The following VRK2 variants were observed in gnomAD, a reference collection of about 807,000 sequenced individuals.
VRK2 encodes the protein VRK serine/threonine kinase 2, also known as serine/threonine-protein kinase VRK2.
A neutral mutation model predicts 57.6 loss-of-function variants in VRK2; 60 were observed. The observed-to-expected ratio is 1.04, with a 90% CI of 0.85 to 1.29. The LOEUF (loss-of-function observed/expected upper bound fraction) is 1.29, where lower values mean the gene tolerates loss of function less well. Among genes scored for constraint, VRK2 ranks in the 50% most tolerant of loss-of-function variants. VRK2 has a pLI of 0.00. For missense variants in VRK2, 705 were observed against 588.1 expected (o/e 1.20, Z -2.06); for synonymous variants, 231 against 199.2 (o/e 1.16, Z -1.35).
At chr2:57,955,822 A>ATTAT (rs1194746567) in intron 1 of VRK2, among the ~76,000 whole-genome samples, 1 of 152,168 alleles carries the variant, frequency 6.6e-6, no homozygotes, top group African/African-American at 2.4e-5. Context: ...CATTAGAAAT[A>ATTAT]TTACGATCAT....
At chr2:57,990,854 T>C (rs1340172444) in intron 1 of VRK2, among the ~76,000 whole-genome samples, 4 of 148,786 alleles carry the variant, frequency 2.7e-5, no homozygotes, top group Non-Finnish European at 6.0e-5. Context: ...CACACAGACA[T>C]ACACACACAC....
intron 1 of VRK2, among the ~76,000 whole-genome samples, chr2:57,937,335 T>G (rs932971869): frequency 1.3e-5 from 2 of 152,184 alleles, no homozygotes; most frequent in Non-Finnish European, 2.9e-5. Flanking sequence ...TTTTCAATAA[T>G]CCCACTTTTC....
intron 9 of VRK2, among the ~76,000 whole-genome samples, chr2:58,134,404 G>C (rs940574109): frequency 2.0e-5 from 3 of 151,790 alleles, no homozygotes; most frequent in African/African-American, 7.3e-5. Context: ...GAGGTCAGGA[G>C]ATCGAGACCA....
intron 1 of VRK2, among the ~76,000 whole-genome samples, chr2:57,941,150 C>G (rs2103956052): frequency 6.6e-6 from 1 of 152,312 alleles, no homozygotes; most frequent in Middle Eastern, 3.4e-3. Context: ...TGAAATGCCA[C>G]AAAGCTGTGG....
At position 58,089,720 on chromosome 2, in the gene VRK2, C is replaced by T. The variant is rs772179855; in HGVS notation, c.540C>T (p.Asp180=). The stretch of plus-strand genomic sequence containing the variant: ...TACTTTTGGGTTACAAAAATCCAGA[C>T]CAGGTAAATACATACTTTTGCTTTT... ...ANLLLGYKNP[D]QVYLADYGLS... is the part of the protein sequence containing the mutation. The change falls in exon 7 of 13, where the codon GAC becomes GAT. Residue 180 remains aspartate (D), a synonymous_variant. Transcript: ENST00000340157. 6.3e-6 allele frequency: 10 copies of T among 1,599,964 alleles called. No individual in the cohort carries two copies. The highest frequency in any genetic ancestry group is 3.4e-5 in the Admixed American group (2 of 58,440).
At chr2:58,139,393 A>ATTACAATCACTATAATTAT (rs1316074525) in intron 10 of VRK2, among the ~76,000 whole-genome samples, 1 of 152,118 alleles carries the variant, frequency 6.6e-6, no homozygotes, top group East Asian at 1.9e-4. Flanking sequence ...TTATTACAAT[A>ATTACAATCACTATAATTAT]TACTTCCTCT....
intron 1 of VRK2, among the ~76,000 whole-genome samples, chr2:58,008,676 A>G (rs1309086043): frequency 6.6e-6 from 1 of 152,156 alleles, no homozygotes; most frequent in Non-Finnish European, 1.5e-5. Context: ...ATAAAAGCAG[A>G]TAATAAAATA....
At chr2:58,093,241 C>G (rs375890913) in intron 7 of VRK2, among the ~76,000 whole-genome samples, 1 of 152,084 alleles carries the variant, frequency 6.6e-6, no homozygotes, top group Non-Finnish European at 1.5e-5. Context: ...ATCGCCACAC[C>G]GACTTCCACA....
intron 1 of VRK2, among the ~76,000 whole-genome samples, chr2:57,979,194 C>A (rs949220937): frequency 6.6e-6 from 1 of 150,944 alleles, no homozygotes; most frequent in African/African-American, 2.5e-5. Flanking sequence ...AATGGGATTG[C>A]TGGGTCAAAT....
intron 5 of VRK2, among the ~76,000 whole-genome samples, chr2:58,087,988 A>C (rs979803190): frequency 5.3e-5 from 8 of 152,188 alleles, no homozygotes; most frequent in African/African-American, 1.9e-4. Flanking sequence ...TCTGTCTCAA[A>C]AAAAAAATCA....
intron 1 of VRK2, among the ~76,000 whole-genome samples, chr2:57,974,078 A>C (rs903082913): frequency 6.6e-6 from 1 of 151,854 alleles, no homozygotes; most frequent in Admixed American, 6.6e-5. Context: ...AAGTTAGCTT[A>C]GTGTTTGTTG....
chr2:58,133,507 G>A (rs1679517302), intron 9 of VRK2, among the ~76,000 whole-genome samples: 1 of 152,118 alleles, frequency 6.6e-6, no homozygotes, highest in Non-Finnish European at 1.5e-5. Flanking sequence ...TTCCCCATAA[G>A]GGTGTGATTG....
chr2:58,138,408 C>T (rs139660567), intron 10 of VRK2, among the ~76,000 whole-genome samples: 2,670 of 152,172 alleles, frequency 0.018, 38 homozygotes, highest in Non-Finnish European at 0.026. Context: ...AAACAGGTTG[C>T]ATAATTGCTA....
At chr2:58,030,637 G>A (rs1487172054) in intron 2 of VRK2, among the ~76,000 whole-genome samples, 1 of 151,920 alleles carries the variant, frequency 6.6e-6, no homozygotes, top group Non-Finnish European at 1.5e-5. Context: ...TCACTGGATT[G>A]GTCAAAACTT....
In VRK2 at chr2:58,084,953, A is replaced by C; in HGVS notation, c.256+3A>C. 1 of 1,576,196 alleles carries C rather than the reference A, an allele frequency of 6.3e-7. No homozygotes were observed. The highest frequency in any genetic ancestry group is 8.6e-7 in the Non-Finnish European group (1 of 1,162,248). Reference sequence around the variant, plus strand: ...GAGAGTTGCAAAAAAAGACTGTAGTAAGTAAAATTAGCAAAGCAAGCTACT... The same window carrying C: ...GAGAGTTGCAAAAAAAGACTGTAGTCAGTAAAATTAGCAAAGCAAGCTACT... On this transcript the variant is annotated splice_donor_region_variant and intron_variant, in intron 4 of 12. Coordinates refer to ENST00000340157, the MANE Select transcript of VRK2 (RefSeq NM_006296.7).
intron 12 of VRK2, among the ~76,000 whole-genome samples, chr2:58,152,772 G>A (rs1340740134): frequency 6.6e-6 from 1 of 151,472 alleles, no homozygotes; most frequent in East Asian, 1.9e-4. Context: ...TGTAGACTCC[G>A]AAATTGCAAA....
chr2:58,137,135 T>G, intron 10 of VRK2, among the ~76,000 whole-genome samples: 1 of 96,544 alleles, frequency 1.0e-5, no homozygotes, highest in East Asian at 2.9e-4. Context: ...GTATATATCA[T>G]ATATCATATA....
intron 1 of VRK2, among the ~76,000 whole-genome samples, chr2:57,945,732 A>C (rs2103966143): frequency 6.6e-6 from 1 of 152,292 alleles, no homozygotes; most frequent in South Asian, 2.1e-4. Context: ...AAGGACTGCA[A>C]GCTCTTGGCA....
In VRK2 at chr2:58,131,830, T is replaced by C; in HGVS notation, c.699T>C (p.Val233=). The change falls in exon 9 of 13, where the codon GTT becomes GTC. Residue 233 remains valine, a synonymous_variant. Transcript: ENST00000340157. ...KGVALSRRSD[V]EILGYCMLRW... ...TAGCCTTGTCCAGACGAAGTGACGT[T>C]GAGATCCTCGGCTACTGCATGCTGC... 6.2e-7 allele frequency: 1 copy of C among 1,613,282 alleles called. No individual in the cohort carries two copies. The highest frequency in any genetic ancestry group is 8.5e-7 in the Non-Finnish European group (1 of 1,179,598).
Sources: gnomAD v4.1 joint callset for allele counts (sites outside exome capture counted in the v4.1 genomes callset) on GRCh38, gnomAD v4.1.1 for gene constraint, MANE v1.5 for transcripts, NCBI Gene and HGNC (gene_info 2026-07-23, HGNC 2026-07-21) for gene names.